Variants in FRMD3 observed in about 807,000 individuals in gnomAD.
The protein encoded by FRMD3 is FERM domain-containing protein 3.
Under a neutral mutation model 70.2 loss-of-function variants are expected in FRMD3, and 33 were observed. The observed-to-expected ratio is 0.47, with a 90% confidence interval of 0.36 to 0.63. The LOEUF (loss-of-function observed/expected upper bound fraction) is 0.63, where lower values mean the gene tolerates loss of function less well. Ranked by LOEUF, FRMD3 falls within the 20% of genes least tolerant of loss-of-function variation. The pLI is 0.00. For missense variants in FRMD3, 632 were observed against 711.4 expected (o/e 0.89, Z 1.27); for synonymous variants, 279 against 255.9 (o/e 1.09, Z -0.86).
chr9:83,556,704 A>C, the FRMD3 span, among the ~76,000 whole-genome samples: 1 of 152,106 alleles, frequency 6.6e-6, no homozygotes, highest in Non-Finnish European at 1.5e-5. Flanking sequence ...ATTTCTAAAA[A>C]TAATAATAAT....
chr9:83,410,871 C>T (rs570811161), intron 1 of FRMD3, among the ~76,000 whole-genome samples: 7 of 152,286 alleles, frequency 4.6e-5, no homozygotes, highest in Non-Finnish European at 7.3e-5. Flanking sequence ...TGACTCGTCC[C>T]GGCTCACCTC....
intron 13 of FRMD3, among the ~76,000 whole-genome samples, chr9:83,262,966 C>A (rs1833056787): frequency 6.6e-6 from 1 of 152,064 alleles, no homozygotes; most frequent in South Asian, 2.1e-4. Flanking sequence ...TATGGGCCAA[C>A]CCTGAAAATA....
intron 1 of FRMD3, among the ~76,000 whole-genome samples, chr9:83,535,371 C>G (rs147657386): frequency 6.6e-6 from 1 of 152,236 alleles, no homozygotes; most frequent in Admixed American, 6.5e-5. Context: ...GAATGCTTAC[C>G]TACTAGAGAA....
chr9:83,317,589 C>T (rs1835635742), intron 6 of FRMD3, among the ~76,000 whole-genome samples: 1 of 152,222 alleles, frequency 6.6e-6, no homozygotes, highest in Non-Finnish European at 1.5e-5. Context: ...GTTTTCAAAG[C>T]ATACCCTCTT....
At chr9:83,375,117 G>C (rs1825100564) in intron 2 of FRMD3, among the ~76,000 whole-genome samples, 1 of 152,136 alleles carries the variant, frequency 6.6e-6, no homozygotes, top group South Asian at 2.1e-4. Flanking sequence ...GCCCACACCA[G>C]GGCTGTGAGG....
intron 1 of FRMD3, among the ~76,000 whole-genome samples, chr9:83,486,832 A>G (rs898654657): frequency 1.3e-5 from 2 of 152,042 alleles, no homozygotes; most frequent in Middle Eastern, 3.5e-3. Flanking sequence ...TCAAATGTGC[A>G]CACACACACA....
At chr9:83,523,111 C>T (rs1158620715) in intron 1 of FRMD3, among the ~76,000 whole-genome samples, 1 of 152,006 alleles carries the variant, frequency 6.6e-6, no homozygotes, top group Non-Finnish European at 1.5e-5. Flanking sequence ...CAGCAGTCCC[C>T]AACAGAGGTA....
chr9:83,340,267 G>A (rs761034000), intron 5 of FRMD3, among the ~76,000 whole-genome samples: 12 of 152,268 alleles, frequency 7.9e-5, no homozygotes, highest in South Asian at 4.2e-4. Flanking sequence ...CATATTTAGT[G>A]GAGAACCTGC....
intron 1 of FRMD3, among the ~76,000 whole-genome samples, chr9:83,400,133 T>C (rs529604263): frequency 5.9e-4 from 89 of 152,078 alleles, no homozygotes; most frequent in African/African-American, 2.1e-3. Flanking sequence ...ATTGTCTATG[T>C]AAAAAATATC....
chr9:83,468,910 G>A (rs1189235094), intron 1 of FRMD3, among the ~76,000 whole-genome samples: 6 of 152,146 alleles, frequency 3.9e-5, no homozygotes, highest in African/African-American at 1.4e-4. Context: ...CCATATAATG[G>A]CCGTGGCTTT....
chr9:83,405,482 C>T (rs950685763), intron 1 of FRMD3, among the ~76,000 whole-genome samples: 10 of 152,044 alleles, frequency 6.6e-5, no homozygotes, highest in African/African-American at 2.4e-4. Flanking sequence ...ATCCATAGAG[C>T]TGGGCACAGT....
chr9:83,487,798 A>C (rs1243885893), intron 1 of FRMD3, among the ~76,000 whole-genome samples: 2 of 152,200 alleles, frequency 1.3e-5, no homozygotes, highest in Non-Finnish European at 2.9e-5. Flanking sequence ...TACATATCAG[A>C]AGGCTTTAGA....
chr9:83,350,841 C>A, intron 3 of FRMD3: 1 of 625,916 alleles, frequency 1.6e-6, no homozygotes, highest in Non-Finnish European at 2.0e-6. Flanking sequence ...CCAAGATCTT[C>A]CATTATAAGA....
intron 3 of FRMD3, among the ~76,000 whole-genome samples, chr9:83,352,162 C>T (rs907216775): frequency 1.3e-5 from 2 of 152,174 alleles, no homozygotes; most frequent in African/African-American, 4.8e-5. Context: ...TACATCAAAC[C>T]ATATCCATCC....
At chr9:83,257,397 C>A (rs1370838267) in intron 13 of FRMD3, among the ~76,000 whole-genome samples, 3 of 152,012 alleles carry the variant, frequency 2.0e-5, no homozygotes, top group Non-Finnish European at 4.4e-5. Context: ...GGAAGAACAT[C>A]AGGAGGAATG....
intron 1 of FRMD3, among the ~76,000 whole-genome samples, chr9:83,493,685 T>C (rs1828878803): frequency 6.6e-6 from 1 of 152,242 alleles, no homozygotes; most frequent in South Asian, 2.1e-4. Context: ...GACAGGGATA[T>C]GACAGGCAGC....
the FRMD3 span, among the ~76,000 whole-genome samples, chr9:83,584,795 G>C: frequency 6.6e-6 from 1 of 152,168 alleles, no homozygotes; most frequent in Admixed American, 6.5e-5. Flanking sequence ...ATTGCTGTGG[G>C]ACTTGATCTC....
intron 2 of FRMD3, among the ~76,000 whole-genome samples, chr9:83,381,419 G>A (rs1275866532): frequency 6.6e-6 from 1 of 152,074 alleles, no homozygotes; most frequent in Non-Finnish European, 1.5e-5. Flanking sequence ...AGCCGGGTGT[G>A]GTGGCACACG....
At chr9:83,558,763 C>T in the FRMD3 span, among the ~76,000 whole-genome samples, 1 of 152,006 alleles carries the variant, frequency 6.6e-6, no homozygotes, top group Non-Finnish European at 1.5e-5. Flanking sequence ...GGGAGGAGGT[C>T]AAAATAGAAA....
Sources: allele counts gnomAD v4.1 joint callset (sites outside exome capture counted in the v4.1 genomes callset), GRCh38; gene constraint gnomAD v4.1.1; transcripts MANE v1.5; gene names NCBI Gene and HGNC (gene_info 2026-07-23, HGNC 2026-07-21).